Variants in ATP13A4 observed in about 807,000 individuals in gnomAD.
ATP13A4 encodes probable cation-transporting ATPase 13A4.
A neutral mutation model predicts 142.5 loss-of-function variants in ATP13A4; 114 were observed. That is an observed-to-expected ratio of 0.80 (90% CI 0.69 to 0.93). The LOEUF (loss-of-function observed/expected upper bound fraction) is 0.93. Ranked by LOEUF, ATP13A4 falls within the 40% of genes least tolerant of loss-of-function variation. ATP13A4 has a pLI of 0.00. For missense variants in ATP13A4, 1,392 were observed against 1,454.0 expected (o/e 0.96, Z 0.69); for synonymous variants, 488 against 514.8 (o/e 0.95, Z 0.70).
rs1718171012 is a variant in ATP13A4 at position 193,464,875 on chromosome 3, AG to A, written c.1461+64del. 3.2e-6 allele frequency: 5 copies of A among 1,547,704 alleles called. No homozygotes were observed. In the African/African-American group the frequency reaches 6.8e-5, roughly 21 times the overall value. On this transcript the variant is annotated intron_variant, in intron 12 of 29. Transcript: ENST00000342695. ...GTCTCCTGCCTTGCAAGGGGGTAAA[AG>A]TAGATATACATGATGACAGCAATGG... is the stretch of plus-strand genomic sequence containing the variant.
intron 19 of ATP13A4, 93 bp downstream of exon 19, chr3:193,442,300 G>T: frequency 1.5e-6 from 2 of 1,309,334 alleles, no homozygotes; most frequent in South Asian, 1.2e-5. Context: ...CTAGACATTT[G>T]GAAGCATATG....
chr3:193,518,904 G>A (rs1279950598), intron 1 of ATP13A4, among the ~76,000 whole-genome samples: 1 of 152,112 alleles, frequency 6.6e-6, no homozygotes, highest in Non-Finnish European at 1.5e-5. Flanking sequence ...GTAAACTAGT[G>A]GTTCTCAACC....
chr3:193,418,320 A>G (rs1715220335), intron 25 of ATP13A4, among the ~76,000 whole-genome samples: 1 of 148,238 alleles, frequency 6.7e-6, no homozygotes, highest in African/African-American at 2.5e-5. Flanking sequence ...CCATCTCAAA[A>G]AAAAAAAAAA....
At position 193,401,739 on chromosome 3, in the gene ATP13A4, C is replaced by T. The variant is rs778674059; in HGVS notation, c.*913G>A. The stretch of plus-strand genomic sequence containing the variant: ...AGATGGAAACAGCAGAGTGTTAAAG[C>T]CAAGTGTGGGGACCTTCTAAGCATG... On this transcript the variant is annotated 3_prime_UTR_variant, in exon 30 of 30. Transcript: ENST00000342695. Among the ~76,000 whole-genome samples the T allele has an allele frequency of 6.6e-6, 1 of 152,186 alleles. No homozygotes were observed. Among genetic ancestry groups the T allele is most frequent in the African/African-American group, 2.4e-5 (1 of 41,456 alleles).
Position 193,459,086 on chromosome 3 carries a change from T to A in ATP13A4, c.1669A>T (p.Thr557Ser). ...PLDLKMFEAT[T>S]WEMAFSGDDF... Reference sequence around the variant, plus strand: ...TCTGAAGAGCAGAGGCTTACCCAGGTGGTGGCTTCAAACATTTTGAGGTCC... The same window carrying A: ...TCTGAAGAGCAGAGGCTTACCCAGGAGGTGGCTTCAAACATTTTGAGGTCC... Residue 557 changes from threonine (T) to serine (S), a missense_variant, in exon 14 of 30, where the codon ACC becomes TCC. Coordinates refer to ENST00000342695, the MANE Select transcript of ATP13A4 (RefSeq NM_032279.4). The A allele has an allele frequency of 6.2e-7, 1 of 1,614,220 alleles. No individual in the cohort carries two copies. Among genetic ancestry groups the A allele is most frequent in the Non-Finnish European group, 8.5e-7 (1 of 1,180,036 alleles).
intron 2 of ATP13A4, among the ~76,000 whole-genome samples, chr3:193,579,977 A>G (rs1465262703): frequency 6.6e-6 from 1 of 152,158 alleles, no homozygotes; most frequent in South Asian, 2.1e-4. Context: ...TCTACCACAC[A>G]TATCCTTCCA....
intron 2 of ATP13A4, among the ~76,000 whole-genome samples, chr3:193,562,955 T>G (rs532276923): frequency 8.5e-5 from 13 of 152,162 alleles, no homozygotes; most frequent in Non-Finnish European, 1.5e-4. Flanking sequence ...TTTGGCAAGT[T>G]GCTAAATTAT....
intron 1 of ATP13A4, among the ~76,000 whole-genome samples, chr3:193,588,717 G>A (rs1205484208): frequency 6.6e-6 from 1 of 152,074 alleles, no homozygotes; most frequent in Admixed American, 6.5e-5. Flanking sequence ...GGTAGTAACT[G>A]TTGCTACCCA....
At position 193,400,054 on chromosome 3, in the gene ATP13A4, G is replaced by A. The variant is rs1714216249; in HGVS notation, c.*2598C>T. Among the ~76,000 whole-genome samples the A allele has an allele frequency of 6.6e-6, 1 of 152,062 alleles. No individual in the cohort carries two copies. Among genetic ancestry groups the A allele is most frequent in the South Asian group, 2.1e-4 (1 of 4,824 alleles). On this transcript the variant is annotated 3_prime_UTR_variant, in exon 30 of 30. Transcript: ENST00000342695. ...TGCTGGCTGTTAGGACAGTGGTTAGGGCAGATGGCCTGAAGCCATCCCCAC... is the reference window on the plus strand; with the variant it reads ...TGCTGGCTGTTAGGACAGTGGTTAGAGCAGATGGCCTGAAGCCATCCCCAC...
chr3:193,421,189 T>C (rs770612937), intron 25 of ATP13A4, among the ~76,000 whole-genome samples: 2 of 149,736 alleles, frequency 1.3e-5, no homozygotes, highest in Non-Finnish European at 3.0e-5. Flanking sequence ...AAATCACAAA[T>C]AAGGAAATCC....
At chr3:193,410,335 A>T (rs536746560) in intron 28 of ATP13A4, among the ~76,000 whole-genome samples, 1 of 152,310 alleles carries the variant, frequency 6.6e-6, no homozygotes, top group Non-Finnish European at 1.5e-5. Context: ...AACAACTTCA[A>T]AAAAAGAAGC....
intron 1 of ATP13A4, among the ~76,000 whole-genome samples, chr3:193,547,962 G>GT (rs1332887411): frequency 6.6e-6 from 1 of 152,174 alleles, no homozygotes; most frequent in Non-Finnish European, 1.5e-5. Flanking sequence ...ATCCTCCTTG[G>GT]TTAGCACAGA....
At chr3:193,409,881 C>T (rs138178261) in intron 28 of ATP13A4, among the ~76,000 whole-genome samples, 242 of 152,226 alleles carry the variant, frequency 1.6e-3, no homozygotes, top group Middle Eastern at 3.4e-3. Flanking sequence ...CATTTTTTGA[C>T]ATTCTTTGTG....
intron 27 of ATP13A4, 115 bp from the exon 28 acceptor site, chr3:193,411,185 C>A (rs1714749505): frequency 1.3e-6 from 1 of 760,280 alleles, no homozygotes; most frequent in Non-Finnish European, 2.4e-6. Context: ...TTTCTACATC[C>A]AAATACTAGA....
At chr3:193,572,772 A>C (rs1160077384) in intron 2 of ATP13A4, among the ~76,000 whole-genome samples, 1 of 152,050 alleles carries the variant, frequency 6.6e-6, no homozygotes, top group Non-Finnish European at 1.5e-5. Flanking sequence ...ACGTGATGGA[A>C]CCAGCTGATG....
intron 17 of ATP13A4, among the ~76,000 whole-genome samples, chr3:193,453,519 T>C (rs1296733711): frequency 6.6e-6 from 1 of 152,080 alleles, no homozygotes; most frequent in African/African-American, 2.4e-5. Context: ...TTTGGAGCTG[T>C]TACGCATCTC....
chr3:193,584,711 T>C (rs993375932), intron 1 of ATP13A4, among the ~76,000 whole-genome samples: 2 of 152,164 alleles, frequency 1.3e-5, no homozygotes, highest in African/African-American at 4.8e-5. Context: ...AACTCTCATA[T>C]ACCTACTGGG....
chr3:193,442,611 T>C, intron 18 of ATP13A4, 55 bp from the exon 19 acceptor site: 3 of 1,544,100 alleles, frequency 1.9e-6, no homozygotes, highest in Non-Finnish European at 2.7e-6. Context: ...AATTAATTCA[T>C]GCAGAGCCTT....
chr3:193,573,283 A>AACGTATATATATATATATTCT (rs1207289368), intron 2 of ATP13A4, among the ~76,000 whole-genome samples: 5 of 95,540 alleles, frequency 5.2e-5, no homozygotes, highest in African/African-American at 2.5e-4. Flanking sequence ...ATACATATAT[A>AACGTATATATATATATATTCT]TATATACACA....
Sources: gnomAD v4.1 joint callset for allele counts (sites outside exome capture counted in the v4.1 genomes callset) on GRCh38, gnomAD v4.1.1 for gene constraint, MANE v1.5 for transcripts, NCBI Gene and HGNC (gene_info 2026-07-23, HGNC 2026-07-21) for gene names.